KCNH8: variants seen among roughly 807,000 people sequenced by gnomAD.
KCNH8 encodes voltage-gated delayed rectifier potassium channel KCNH8.
Under a neutral mutation model 103.6 loss-of-function variants are expected in KCNH8, and 70 were observed. That is an observed-to-expected ratio of 0.68 (90% confidence interval 0.56 to 0.82). The LOEUF is 0.82. KCNH8 is among the 40% of genes least tolerant of loss of function. The pLI is 0.00. For missense variants in KCNH8, 1,217 were observed against 1,329.9 expected (o/e 0.92, Z 1.32); for synonymous variants, 498 against 489.4 (o/e 1.02, Z -0.23).
intron 2 of KCNH8, among the ~76,000 whole-genome samples, chr3:19,262,048 T>C (rs147870593): frequency 1.2e-3 from 189 of 152,004 alleles, no homozygotes; most frequent in African/African-American, 4.4e-3. Context: ...GTCAAATGCT[T>C]CTAACCTTTT....
intron 2 of KCNH8, among the ~76,000 whole-genome samples, chr3:19,277,659 A>G (rs944950006): frequency 3.9e-5 from 6 of 152,178 alleles, no homozygotes; most frequent in African/African-American, 1.2e-4. Flanking sequence ...TTGTTTCCCA[A>G]TCAAGAAAAA....
chr3:19,264,737 T>C (rs973608524), intron 2 of KCNH8, among the ~76,000 whole-genome samples: 1 of 152,124 alleles, frequency 6.6e-6, no homozygotes, highest in Non-Finnish European at 1.5e-5. Context: ...GAGCGTTCAC[T>C]GTGGGCCAAG....
chr3:19,482,551 A>T (rs2068109673), intron 11 of KCNH8, among the ~76,000 whole-genome samples: 1 of 152,188 alleles, frequency 6.6e-6, no homozygotes, highest in Non-Finnish European at 1.5e-5. Flanking sequence ...TTGAAGAAGT[A>T]CAGGTAGTAA....
chr3:19,438,282 C>T lies in KCNH8; in HGVS notation c.1296C>T (p.Leu432=). 2.5e-6 allele frequency: 4 copies of T among 1,614,030 alleles called. No individual in the cohort carries two copies. The highest frequency in any genetic ancestry group is 4.5e-5 in the East Asian group (2 of 44,876). ...CTCTGTACTTCACGCTGAGCAGCCT[C>T]ACCAGCGTGGGTTTTGGGAACGTCT... ...IAALYFTLSS[L]TSVGFGNVSA... The change falls in exon 8 of 16, where the codon CTC becomes CTT. Residue 432 remains leucine, a synonymous_variant. Coordinates refer to ENST00000328405, the MANE Select transcript of KCNH8 (RefSeq NM_144633.3).
chr3:19,281,470 C>G (rs961610500), intron 3 of KCNH8, 141 bp downstream of exon 3: 2 of 684,150 alleles, frequency 2.9e-6, no homozygotes, highest in Non-Finnish European at 4.7e-6. Flanking sequence ...GCATTTGGTG[C>G]ATATTCCAAA....
intron 2 of KCNH8, among the ~76,000 whole-genome samples, chr3:19,268,850 TG>T (rs2064550003): frequency 6.6e-6 from 1 of 152,102 alleles, no homozygotes. Flanking sequence ...ATGTAGCCAG[TG>T]AAGACTGAAG....
At chr3:19,499,536 G>C (rs367838607) in intron 11 of KCNH8, among the ~76,000 whole-genome samples, 3 of 152,180 alleles carry the variant, frequency 2.0e-5, no homozygotes, top group South Asian at 4.1e-4. Context: ...AGGGCAGCCA[G>C]ACAGAAAGGT....
At chr3:19,301,035 A>G (rs1044498193) in intron 3 of KCNH8, among the ~76,000 whole-genome samples, 3 of 151,596 alleles carry the variant, frequency 2.0e-5, no homozygotes, top group Non-Finnish European at 4.4e-5. Flanking sequence ...ATATTTATTA[A>G]TATAATCCTC....
At chr3:19,321,671 G>T (rs1398401767) in intron 3 of KCNH8, among the ~76,000 whole-genome samples, 2 of 150,738 alleles carry the variant, frequency 1.3e-5, no homozygotes, top group Admixed American at 1.3e-4. Flanking sequence ...TGGGTAGAAT[G>T]TTCTGTAAAT....
At chr3:19,227,162 T>C (rs1047122685) in intron 1 of KCNH8, among the ~76,000 whole-genome samples, 2 of 152,234 alleles carry the variant, frequency 1.3e-5, no homozygotes, top group Non-Finnish European at 2.9e-5. Context: ...GGTTTCCTTC[T>C]AATCTTGAAA....
At chr3:19,205,026 A>T (rs2063700090) in intron 1 of KCNH8, among the ~76,000 whole-genome samples, 1 of 151,900 alleles carries the variant, frequency 6.6e-6, no homozygotes, top group Non-Finnish European at 1.5e-5. Flanking sequence ...CAAAATAGAG[A>T]TCAAAAGAAT....
chr3:19,360,425 G>T (rs867953327), intron 5 of KCNH8, among the ~76,000 whole-genome samples: 1 of 151,986 alleles, frequency 6.6e-6, no homozygotes. Context: ...TGTTTTTATA[G>T]ATAAAAGTTA....
chr3:19,425,043 C>A (rs1237651957), intron 7 of KCNH8, among the ~76,000 whole-genome samples: 2 of 152,100 alleles, frequency 1.3e-5, no homozygotes, highest in Non-Finnish European at 2.9e-5. Flanking sequence ...TCAGTCCAAA[C>A]CCAGCTTTTC....
At chr3:19,336,296 C>T (rs990253797) in intron 3 of KCNH8, among the ~76,000 whole-genome samples, 2 of 151,522 alleles carry the variant, frequency 1.3e-5, no homozygotes, top group Non-Finnish European at 3.0e-5. Context: ...TATAAATTTA[C>T]TAATTTCTCT....
intron 1 of KCNH8, among the ~76,000 whole-genome samples, chr3:19,230,445 T>C (rs1164504413): frequency 6.6e-6 from 1 of 152,190 alleles, no homozygotes; most frequent in Admixed American, 6.5e-5. Context: ...CAGCAGACTC[T>C]TTCATCTTAC....
chr3:19,190,359 A>G (rs1444463958), intron 1 of KCNH8, among the ~76,000 whole-genome samples: 1 of 152,022 alleles, frequency 6.6e-6, no homozygotes, highest in Non-Finnish European at 1.5e-5. Flanking sequence ...AAAGTTGAAC[A>G]GATGCCTCAG....
chr3:19,513,425 T>C, intron 13 of KCNH8, 100 bp downstream of exon 13: 2 of 1,435,646 alleles, frequency 1.4e-6, no homozygotes, highest in South Asian at 2.9e-5. Context: ...ACTCCACAGA[T>C]TCCTAGCCTG....
At chr3:19,319,853 A>G (rs1311382669) in intron 3 of KCNH8, among the ~76,000 whole-genome samples, 2 of 151,972 alleles carry the variant, frequency 1.3e-5, no homozygotes, top group Non-Finnish European at 2.9e-5. Context: ...AGTGTTTTGT[A>G]GTTTTTCTTG....
In KCNH8 at chr3:19,535,286, G is replaced by A. The variant is rs1459463428; in HGVS notation, c.*1187G>A. 1 of 152,120 alleles carries A rather than the reference G, an allele frequency of 6.6e-6. No homozygotes were observed. The highest frequency in any genetic ancestry group is 1.5e-5 in the Non-Finnish European group (1 of 68,038). The allele number at this position is 152,120 out of a possible 1,614,324, so 9.4% of individuals were successfully genotyped here. ...TGGGAGTAATACCAGCTTGCAATGG[G>A]TCAGCACTTTACCTTTTTTCTTTAA... On this transcript the variant is annotated 3_prime_UTR_variant, in exon 16 of 16. Coordinates refer to ENST00000328405, the MANE Select transcript of KCNH8 (RefSeq NM_144633.3).
Sources: gnomAD v4.1 joint callset for allele counts (sites outside exome capture counted in the v4.1 genomes callset) on GRCh38, gnomAD v4.1.1 for gene constraint, MANE v1.5 for transcripts, NCBI Gene and HGNC (gene_info 2026-07-23, HGNC 2026-07-21) for gene names.